Variants in TRRAP observed in about 807,000 individuals in gnomAD.
TRRAP encodes the protein transformation/transcription domain-associated protein.
TRRAP carries 41 observed loss-of-function variants against 438.8 expected under a neutral mutation model. The observed-to-expected ratio is 0.09, with a 90% CI of 0.07 to 0.12. The LOEUF (loss-of-function observed/expected upper bound fraction) is 0.12. Among genes scored for constraint, TRRAP ranks in the 10% least tolerant of loss-of-function variants. The pLI is 1.00. For missense variants in TRRAP, 3,122 were observed against 5,055.1 expected (o/e 0.62, Z 11.60); for synonymous variants, 1,994 against 1,962.9 (o/e 1.02, Z -0.42).
At chr7:98,923,591 A>G (rs530991078) in intron 21 of TRRAP, among the ~76,000 whole-genome samples, 1 of 152,348 alleles carries the variant, frequency 6.6e-6, no homozygotes, top group South Asian at 2.1e-4. Context: ...AAAATTTTAG[A>G]AAGTACCACC....
At chr7:98,930,936 T>G in intron 25 of TRRAP, 106 bp downstream of exon 25, 2 of 1,404,360 alleles carry the variant, frequency 1.4e-6, no homozygotes, top group Non-Finnish European at 1.9e-6. Flanking sequence ...AGCAGCATGG[T>G]GACTTTGATA....
Position 98,976,450 on chromosome 7 carries a change from T to C in TRRAP, c.7960-33T>C, listed in dbSNP as rs1792661502. The C allele has an allele frequency of 3.1e-6, 5 of 1,590,796 alleles. No homozygotes were observed. The highest frequency in any genetic ancestry group is 2.2e-5 in the South Asian group (2 of 90,222). ...ACAGCAAGACTTGCCGATTTTTGAA[T>C]GAAGGCCTAAATGACATGTGCTTTG... On this transcript the variant is annotated intron_variant, in intron 54 of 72. Coordinates refer to ENST00000456197, the MANE Select transcript of TRRAP (RefSeq NM_001375524.1). The surrounding 1 kb of genome is among the most constrained non-coding windows in gnomAD (Gnocchi z 4.6).
chr7:99,008,889 C>T (rs1049197860), intron 70 of TRRAP, among the ~76,000 whole-genome samples: 2 of 152,210 alleles, frequency 1.3e-5, no homozygotes, highest in African/African-American at 4.8e-5. Context: ...CACTTGACAG[C>T]CACACCTGAT....
intron 4 of TRRAP, 43 bp from the exon 5 acceptor site, chr7:98,892,381 G>T: frequency 6.7e-7 from 1 of 1,493,348 alleles, no homozygotes; most frequent in Non-Finnish European, 9.3e-7. Flanking sequence ...TGGAACCCTT[G>T]GAAGTATTTT....
chr7:98,899,238 A>G (rs568132320), intron 8 of TRRAP, among the ~76,000 whole-genome samples, 184 bp from the exon 9 acceptor site: 18 of 152,342 alleles, frequency 1.2e-4, no homozygotes, highest in Non-Finnish European at 7.3e-5. Context: ...ATAGTTCTGC[A>G]TACTTTGTTT....
chr7:98,878,757 CG>C (rs1795278545), intron 1 of TRRAP, 120 bp downstream of exon 1: 1 of 151,854 alleles, frequency 6.6e-6, no homozygotes, highest in African/African-American at 2.4e-5. Context: ...CCGAGCGCCC[CG>C]GGATCCCCTA....
Position 98,910,626 on chromosome 7 carries a change from G to A in TRRAP, c.1812+19G>A. The A allele has an allele frequency of 1.3e-6, 2 of 1,598,148 alleles. No homozygotes were observed. The highest frequency in any genetic ancestry group is 1.7e-6 in the Non-Finnish European group (2 of 1,171,990). On this transcript the variant is annotated intron_variant, in intron 16 of 72. Coordinates refer to ENST00000456197, the MANE Select transcript of TRRAP (RefSeq NM_001375524.1). ...TTATCAGGTAAGGAAGTGCCCTCCAGCCAGGCTTTCGCATATGGAAAGTAC... is the reference window on the plus strand; with the variant it reads ...TTATCAGGTAAGGAAGTGCCCTCCAACCAGGCTTTCGCATATGGAAAGTAC...
intron 19 of TRRAP, 81 bp from the exon 20 acceptor site, chr7:98,917,342 G>A: frequency 6.5e-7 from 1 of 1,546,936 alleles, no homozygotes; most frequent in Non-Finnish European, 8.8e-7. Flanking sequence ...AGAGAAGGAG[G>A]GGCAGTTCTT....
chr7:99,005,414 C>T lies in TRRAP; in HGVS notation c.10753+66C>T. ...TTCACAGGTGGGGATGAGAGCCACA[C>T]CTCGTGGGGTGCACAGGCAGCTCAC... On this transcript the variant is annotated intron_variant, in intron 69 of 72. Coordinates refer to ENST00000456197, the MANE Select transcript of TRRAP (RefSeq NM_001375524.1). This position sits in a 1 kb window ranked among gnomAD's most constrained non-coding sequence, Gnocchi z 5.1. 2 of 1,496,230 alleles carry T rather than the reference C, an allele frequency of 1.3e-6. No individual in the cohort carries two copies. The highest frequency in any genetic ancestry group is 9.3e-7 in the Non-Finnish European group (1 of 1,076,440). 92.7% of individuals were successfully genotyped at this position (1,496,230 alleles called of 1,614,324 possible).
In TRRAP at chr7:98,949,870, G is replaced by A. The variant is rs782413831; in HGVS notation, c.5135+29G>A. 31 of 1,601,818 alleles carry A rather than the reference G, an allele frequency of 1.9e-5. No homozygotes were observed. The South Asian group carries it at 2.7e-4, about 14-fold the overall frequency. On this transcript the variant is annotated intron_variant, in intron 37 of 72. Transcript: ENST00000456197. ...GGTGCCTCCTCCCGCCCTGCCCCGC[G>A]GGACTGGCTCTGTCCCAAAAGCTCA...
chr7:98,917,430 C>T lies in TRRAP; in HGVS notation c.2373C>T (p.Asn791=). ...PLLPNLLQGL[N]MLQSGLHKQH... ...CTGCACCCCCTTCCCTAGGGCTGAA[C>T]ATGCTTCAGAGTGGCCTGCACAAGC... is the stretch of plus-strand genomic sequence containing the variant. Residue 791 remains asparagine (N), a synonymous_variant, in exon 20 of 73, where the codon AAC becomes AAT. Transcript: ENST00000456197. The T allele has an allele frequency of 1.9e-6, 3 of 1,613,990 alleles. No individual in the cohort carries two copies. The highest frequency in any genetic ancestry group is 2.5e-6 in the Non-Finnish European group (3 of 1,179,908).
In TRRAP at chr7:98,976,886, G is replaced by A; in HGVS notation, c.8248-53G>A. The A allele has an allele frequency of 1.2e-6, 2 of 1,605,476 alleles. No homozygotes were observed. Among genetic ancestry groups the A allele is most frequent in the Non-Finnish European group, 1.7e-6 (2 of 1,175,474 alleles). ...CAGCACAGTGAAACTATTTTTAGGG[G>A]GGAAAAAAAGTCTCTGTCTCAAGCA... On this transcript the variant is annotated intron_variant, in intron 55 of 72. Transcript: ENST00000456197. This position sits in a 1 kb window ranked among gnomAD's most constrained non-coding sequence, Gnocchi z 4.6.
chr7:98,895,673 C>G, intron 6 of TRRAP, 91 bp from the exon 7 acceptor site: 2 of 1,111,762 alleles, frequency 1.8e-6, no homozygotes, highest in Non-Finnish European at 2.5e-6. Flanking sequence ...TGAGTTCTTA[C>G]GTAGTAAGAC....
At chr7:98,937,032 A>G (rs782608406) in intron 28 of TRRAP, 124 bp from the exon 29 acceptor site, 59 of 1,256,460 alleles carry the variant, frequency 4.7e-5, no homozygotes, top group Middle Eastern at 3.2e-4. Flanking sequence ...GTTAGAGATG[A>G]ACCTGGGCAA....
At chr7:98,882,392 C>T (rs1236844542) in intron 3 of TRRAP, among the ~76,000 whole-genome samples, 27 of 130,468 alleles carry the variant, frequency 2.1e-4, no homozygotes, top group Non-Finnish European at 6.3e-5. Flanking sequence ...GATGGAGTTT[C>T]GCTCTTGTCG....
rs572981025 is a variant in TRRAP, at chr7:98,963,153, T to C, written c.6829+726T>C. ...ATACACACGTATACAAATACCTATA[T>C]AGATAGCCCTTGTTAGGCAAACGCT... On this transcript the variant is annotated intron_variant, in intron 47 of 72. Coordinates refer to ENST00000456197, the MANE Select transcript of TRRAP (RefSeq NM_001375524.1). Among the ~76,000 whole-genome samples, 4 of 152,344 alleles carry C rather than the reference T, an allele frequency of 2.6e-5. No individual in the cohort carries two copies. The East Asian group carries it at 5.8e-4, about 22-fold the overall frequency.
chr7:98,903,774 C>T (rs1319488563), intron 12 of TRRAP, among the ~76,000 whole-genome samples: 5 of 152,160 alleles, frequency 3.3e-5, no homozygotes, highest in Non-Finnish European at 7.3e-5. Flanking sequence ...CTTACAGTTC[C>T]ACGTGGCTGG....
At chr7:98,951,039 C>T (rs1554418144) in intron 39 of TRRAP, 35 bp downstream of exon 39, 1 of 1,490,240 alleles carries the variant, frequency 6.7e-7, no homozygotes, top group East Asian at 2.5e-5. Flanking sequence ...TGAGAAGTAG[C>T]CTGGCATGTG....
intron 67 of TRRAP, chr7:98,999,168 G>C (rs531876462): frequency 1.3e-6 from 2 of 1,580,550 alleles, no homozygotes; most frequent in Admixed American, 1.7e-5. Flanking sequence ...GGCCATCTCT[G>C]ATCTGGATTT....
Sources: gnomAD v4.1 joint callset for allele counts (sites outside exome capture counted in the v4.1 genomes callset) on GRCh38, gnomAD v4.1.1 for gene constraint, Gnocchi (gnomAD v3.1) non-coding constraint, MANE v1.5 for transcripts, NCBI Gene and HGNC (gene_info 2026-07-23, HGNC 2026-07-21) for gene names.